SIRPA: variants seen among roughly 807,000 people sequenced by gnomAD.
SIRPA encodes signal regulatory protein alpha.
In SIRPA, 9 loss-of-function variants were observed where a neutral mutation model predicts 50.3. That is an observed-to-expected ratio of 0.18 (90% CI 0.11 to 0.31). SIRPA has a LOEUF of 0.31. Among genes scored for constraint, SIRPA ranks in the 10% least tolerant of loss-of-function variants. The pLI, the probability that SIRPA is intolerant of heterozygous loss-of-function variation, is 1.00. For synonymous variants in SIRPA, 265 were observed against 284.1 expected (o/e 0.93, Z 0.68); for missense variants, 474 against 661.6 (o/e 0.72, Z 3.11).
chr20:1,898,817 T>C lies in SIRPA; in HGVS notation c.79+3291T>C, dbSNP rs1205364840. Among the ~76,000 whole-genome samples the C allele has an allele frequency of 6.6e-6, 1 of 151,888 alleles. No individual in the cohort carries two copies. The highest frequency in any genetic ancestry group is 1.5e-5 in the Non-Finnish European group (1 of 67,984). ...TCTGAAAGCCTGCTGAGGGTGGAAA[T>C]ACTGACAGCCCCTTGGTCCTCACCA... On this transcript the variant is annotated intron_variant, in intron 1 of 7. Coordinates refer to ENST00000358771, the MANE Select transcript of SIRPA (RefSeq NM_001040023.2). The surrounding 1 kb of genome is among the most constrained non-coding windows in gnomAD (Gnocchi z 4.3).
chr20:1,924,925 C>G lies in SIRPA; in HGVS notation c.1201+48C>G. 6.8e-7 allele frequency: 1 copy of G among 1,476,704 alleles called. No homozygotes were observed. Among genetic ancestry groups the G allele is most frequent in the Non-Finnish European group, 9.5e-7 (1 of 1,056,290 alleles). 91.5% of individuals were successfully genotyped at this position (1,476,704 alleles called of 1,614,324 possible). Reference sequence around the variant, plus strand: ...CCCTAAGGGTTTGTCCCTGGACTGTCCTCGGAGGGAGACGCCATTAGGTGC... The same window carrying G: ...CCCTAAGGGTTTGTCCCTGGACTGTGCTCGGAGGGAGACGCCATTAGGTGC... On this transcript the variant is annotated intron_variant, in intron 5 of 7. Transcript: ENST00000358771. The surrounding 1 kb of genome is among the most constrained non-coding windows in gnomAD (Gnocchi z 4.5).
rs1986371456 is a variant in SIRPA at position 1,932,930 on chromosome 20, A to T, written c.1227-1785A>T. ...CCAGGGGAGACACAGATATGGGGAA[A>T]ATGATAATTGGTTATTGTCTGAAAT... On this transcript the variant is annotated intron_variant, in intron 6 of 7. Transcript: ENST00000358771. The surrounding 1 kb of genome is among the most constrained non-coding windows in gnomAD (Gnocchi z 6.0). 6.6e-6 allele frequency among the ~76,000 whole-genome samples: 1 copy of T among 152,260 alleles called. No individual in the cohort carries two copies. Among genetic ancestry groups the T allele is most frequent in the Non-Finnish European group, 1.5e-5 (1 of 68,052 alleles).
At chr20:1,900,159 G>T (rs1984093831) in intron 1 of SIRPA, among the ~76,000 whole-genome samples, 1 of 143,630 alleles carries the variant, frequency 7.0e-6, no homozygotes, top group African/African-American at 2.7e-5. Flanking sequence ...GGAGTGCAAT[G>T]GCGTGATCTC....
Position 1,915,338 on chromosome 20 carries a change from C to T in SIRPA, c.319C>T (p.Arg107Cys), listed in dbSNP as rs17855615. The change falls in exon 2 of 8, where the codon CGC becomes TGC. Residue 107 changes from arginine to cysteine, a missense_variant. Transcript: ENST00000358771. Reference sequence around the variant, plus strand: ...GAGAAACAACATGGACTTTTCCATCCGCATCGGTAACATCACCCCAGCAGA... The same window carrying T: ...GAGAAACAACATGGACTTTTCCATCTGCATCGGTAACATCACCCCAGCAGA... ...TKRNNMDFSI[R>C]IGNITPADAG... The T allele has an allele frequency of 1.3e-5, 21 of 1,609,206 alleles. No homozygotes were observed. The highest frequency in any genetic ancestry group is 1.7e-5 in the Non-Finnish European group (20 of 1,177,296).
rs1314333518 is a variant in SIRPA at position 1,928,275 on chromosome 20, T to C, written c.1226+376T>C. ...TTTACTCTTTCCTTTGTTTAGTAAA[T>C]ATTTATTGAGTACCTTGGCGTGCTG... On this transcript the variant is annotated intron_variant, in intron 6 of 7. Coordinates refer to ENST00000358771, the MANE Select transcript of SIRPA (RefSeq NM_001040023.2). This position sits in a 1 kb window ranked among gnomAD's most constrained non-coding sequence, Gnocchi z 4.9. Among the ~76,000 whole-genome samples, 2 of 152,172 alleles carry C rather than the reference T, an allele frequency of 1.3e-5. No homozygotes were observed. The highest frequency in any genetic ancestry group is 6.5e-5 in the Admixed American group (1 of 15,280).
At chr20:1,901,781 A>G (rs1352945230) in intron 1 of SIRPA, among the ~76,000 whole-genome samples, 1 of 152,096 alleles carries the variant, frequency 6.6e-6, no homozygotes. Flanking sequence ...TCGGGGGCGC[A>G]GGGTGTTAGA....
intron 1 of SIRPA, among the ~76,000 whole-genome samples, chr20:1,903,464 T>C (rs1452324531): frequency 6.6e-6 from 1 of 152,222 alleles, no homozygotes. Flanking sequence ...ATTGCTGCTT[T>C]CCGCAGCCGT....
chr20:1,901,085 A>G (rs1199357647), intron 1 of SIRPA, among the ~76,000 whole-genome samples: 4 of 150,078 alleles, frequency 2.7e-5, no homozygotes, highest in African/African-American at 9.8e-5. Flanking sequence ...AGGGAAACTG[A>G]GGCCCAGTTG....
At chr20:1,900,973 G>A (rs117865546) in intron 1 of SIRPA, among the ~76,000 whole-genome samples, 3,311 of 152,180 alleles carry the variant, frequency 0.022, 65 homozygotes, top group Admixed American at 0.034. Flanking sequence ...AGGCCACACC[G>A]TAAGCGCCAG....
In SIRPA at chr20:1,927,511, C is replaced by A. The variant is rs576879203; in HGVS notation, c.1202-364C>A. On this transcript the variant is annotated intron_variant, in intron 5 of 7. Transcript: ENST00000358771. This position sits in a 1 kb window ranked among gnomAD's most constrained non-coding sequence, Gnocchi z 6.5. Reference sequence around the variant, plus strand: ...AGCCCTGCTAGAATCTGTTTTCAAGCCACGAAGGGCACTGATTGGGACCTA... The same window carrying A: ...AGCCCTGCTAGAATCTGTTTTCAAGACACGAAGGGCACTGATTGGGACCTA... Among the ~76,000 whole-genome samples the A allele has an allele frequency of 6.6e-6, 1 of 152,170 alleles. No homozygotes were observed. Among genetic ancestry groups the A allele is most frequent in the African/African-American group, 2.4e-5 (1 of 41,434 alleles).
intron 1 of SIRPA, among the ~76,000 whole-genome samples, chr20:1,906,366 A>G (rs1051133741): frequency 7.9e-5 from 12 of 152,240 alleles, no homozygotes; most frequent in Non-Finnish European, 1.5e-4. Context: ...TAAAAAATTA[A>G]CAAGGAAATG....
chr20:1,904,179 T>C (rs1244693038), intron 1 of SIRPA, among the ~76,000 whole-genome samples: 1 of 152,146 alleles, frequency 6.6e-6, no homozygotes, highest in Non-Finnish European at 1.5e-5. Flanking sequence ...CTGTCATGAA[T>C]AGCCCTAAGA....
At chr20:1,894,319 G>C (rs528012649), upstream of SIRPA, 2 of 152,080 alleles carry the variant, frequency 1.3e-5, no homozygotes, top group African/African-American at 2.4e-5. The surrounding 1 kb of genome is among the most constrained non-coding windows in gnomAD (Gnocchi z 4.0). Flanking sequence ...AGTGGGAAGC[G>C]GGGAGCAGCC....
At chr20:1,906,207 C>T (rs1468570577) in intron 1 of SIRPA, among the ~76,000 whole-genome samples, 1 of 152,132 alleles carries the variant, frequency 6.6e-6, no homozygotes. Context: ...CGAGACATTC[C>T]CTGGAGTCTC....
intron 1 of SIRPA, among the ~76,000 whole-genome samples, chr20:1,897,464 C>A (rs758474132): frequency 5.9e-5 from 9 of 152,216 alleles, no homozygotes; most frequent in Non-Finnish European, 1.0e-4. Context: ...AGGGAAGTCA[C>A]CTGGTTTGGC....
At chr20:1,903,939 G>T (rs375020101) in intron 1 of SIRPA, among the ~76,000 whole-genome samples, 1 of 152,198 alleles carries the variant, frequency 6.6e-6, no homozygotes, top group African/African-American at 2.4e-5. Flanking sequence ...GATGGGCTAT[G>T]TCTCTTACTC....
upstream of SIRPA, chr20:1,894,603 T>C (rs1246468258): frequency 2.0e-5 from 3 of 151,120 alleles, no homozygotes; most frequent in African/African-American, 7.3e-5. The surrounding 1 kb of genome is among the most constrained non-coding windows in gnomAD (Gnocchi z 4.0). Context: ...ACGGGCACGC[T>C]GTCGGAGCCG....
intron 1 of SIRPA, among the ~76,000 whole-genome samples, chr20:1,913,125 A>G (rs1568499904): frequency 6.6e-6 from 1 of 152,238 alleles, no homozygotes; most frequent in African/African-American, 2.4e-5. Flanking sequence ...TCCTGATAAT[A>G]AAAGCAGTTG....
intron 5 of SIRPA, among the ~76,000 whole-genome samples, chr20:1,925,507 A>C (rs1189140901): frequency 6.6e-6 from 1 of 152,206 alleles, no homozygotes; most frequent in Non-Finnish European, 1.5e-5. Context: ...CACAGGGTCA[A>C]ACCCAGGACA....
Sources: gnomAD v4.1 joint callset for allele counts (sites outside exome capture counted in the v4.1 genomes callset) on GRCh38, gnomAD v4.1.1 for gene constraint, Gnocchi (gnomAD v3.1) non-coding constraint, MANE v1.5 for transcripts, NCBI Gene and HGNC (gene_info 2026-07-23, HGNC 2026-07-21) for gene names.